IQCB1: variants seen among roughly 807,000 people sequenced by gnomAD.
The protein encoded by IQCB1 is IQ calmodulin-binding motif-containing protein 1.
IQCB1 carries 56 observed loss-of-function variants against 84.4 expected under a neutral mutation model. The observed-to-expected ratio is 0.66, with a 90% CI of 0.54 to 0.83. IQCB1 has a LOEUF of 0.83. Ranked by LOEUF, IQCB1 falls within the 40% of genes least tolerant of loss-of-function variation. The probability of loss-of-function intolerance (pLI) is 0.00; values close to 1 mark genes in which losing one functional copy is unlikely to be tolerated. For missense variants in IQCB1, 629 were observed against 682.1 expected, an observed-to-expected ratio of 0.92 and a Z score of 0.87; for synonymous variants, 210 against 234.8, an observed-to-expected ratio of 0.89 and a Z score of 0.96.
intron 5 of IQCB1, among the ~76,000 whole-genome samples, chr3:121,823,445 T>C (rs1950344368): frequency 6.6e-6 from 1 of 151,684 alleles, no homozygotes; most frequent in South Asian, 2.1e-4. Flanking sequence ...AGAGAACATC[T>C]TAAAAAAGCC....
In IQCB1 at chr3:121,772,572, C is replaced by T. The variant is rs1484442908; in HGVS notation, c.1552G>A (p.Val518Ile). The change falls in exon 14 of 15, where the codon GTT becomes ATT. Residue 518 changes from valine to isoleucine, a missense_variant. Val to Ile is a conservative substitution (Grantham distance 29). Transcript: ENST00000310864. Reference sequence around the variant, plus strand: ...GAGCACATACTCATTAGCTGTTCAACGTTGGTGCTGATCTGTGCTATCAGA... The same window carrying T: ...GAGCACATACTCATTAGCTGTTCAATGTTGGTGCTGATCTGTGCTATCAGA... The part of the protein sequence containing the change: ...EALIAQISTN[V>I]EQLMKAPSLK... 1.2e-5 allele frequency: 19 copies of T among 1,614,070 alleles called. No individual in the cohort carries two copies. The highest frequency in any genetic ancestry group is 2.2e-5 in the South Asian group (2 of 91,086).
intron 2 of IQCB1, among the ~76,000 whole-genome samples, chr3:121,830,515 A>T (rs1950602416): frequency 6.6e-6 from 1 of 152,216 alleles, no homozygotes; most frequent in Non-Finnish European, 1.5e-5. Flanking sequence ...TAAGCTAAGC[A>T]CTATGTTAAT....
In IQCB1 at chr3:121,770,144, C is replaced by T; in HGVS notation, c.*201G>A. ...AAAAGCCACACAAATCTGTGTGTGG[C>T]TAACGATGAGGATACAGAGAAAAGA... On this transcript the variant is annotated 3_prime_UTR_variant, in exon 15 of 15. Transcript: ENST00000310864. 5.3e-6 allele frequency: 3 copies of T among 562,106 alleles called. No homozygotes were observed. Among genetic ancestry groups the T allele is most frequent in the East Asian group, 3.0e-5 (1 of 33,734 alleles). The allele number at this position is 562,106 out of a possible 1,614,324, so 34.8% of individuals were successfully genotyped here.
chr3:121,786,869 A>G (rs1341273279), intron 12 of IQCB1, among the ~76,000 whole-genome samples: 2 of 152,202 alleles, frequency 1.3e-5, no homozygotes, highest in African/African-American at 4.8e-5. Flanking sequence ...GCAAGGTAGT[A>G]AGTCAACCTA....
At chr3:121,807,706 T>C (rs1949660142) in intron 6 of IQCB1, among the ~76,000 whole-genome samples, 1 of 151,976 alleles carries the variant, frequency 6.6e-6, no homozygotes, top group South Asian at 2.1e-4. Flanking sequence ...CTCTTTAAAT[T>C]GAAAATATCA....
chr3:121,787,189 T>TA (rs11385480), intron 12 of IQCB1, among the ~76,000 whole-genome samples: 90,508 of 148,068 alleles, frequency 0.61, 27,804 homozygotes, highest in African/African-American at 0.7. Context: ...TTTGGATGAT[T>TA]AAAAAAAAAA....
In IQCB1 at chr3:121,777,942, C is replaced by T. The variant is rs564349438; in HGVS notation, c.1410+3801G>A. Among the ~76,000 whole-genome samples the T allele has an allele frequency of 1.3e-3, 187 of 149,464 alleles. 1 individual carries two copies. The highest frequency in any genetic ancestry group is 2.2e-3 in the Non-Finnish European group (146 of 67,634). ...TTTTTTTTTGAGACAGGGTCTCACT[C>T]GGCCACACAGGCTGGAGTGCAGTAG... On this transcript the variant is annotated intron_variant, in intron 13 of 14. Coordinates refer to ENST00000310864, the MANE Select transcript of IQCB1 (RefSeq NM_001023570.4).
chr3:121,798,217 A>G (rs1949275136), intron 8 of IQCB1, among the ~76,000 whole-genome samples: 1 of 151,954 alleles, frequency 6.6e-6, no homozygotes, highest in Non-Finnish European at 1.5e-5. Flanking sequence ...ACCCTCAGTA[A>G]TGACTAATTC....
At chr3:121,785,055 CT>C (rs1948652249) in intron 12 of IQCB1, among the ~76,000 whole-genome samples, 2 of 152,126 alleles carry the variant, frequency 1.3e-5, no homozygotes, top group Admixed American at 1.3e-4. Context: ...CTATTCTCCC[CT>C]TTCCTTGATT....
intron 13 of IQCB1, among the ~76,000 whole-genome samples, chr3:121,776,784 T>G (rs1159296513): frequency 1.3e-5 from 2 of 152,232 alleles, no homozygotes; most frequent in African/African-American, 4.8e-5. Context: ...GTCATCTATC[T>G]TTTGGTGAAG....
intron 5 of IQCB1, among the ~76,000 whole-genome samples, chr3:121,816,522 C>G (rs1950064248): frequency 6.6e-6 from 1 of 152,060 alleles, no homozygotes; most frequent in Admixed American, 6.5e-5. Flanking sequence ...ATCTACCCAT[C>G]TGATGAAGGT....
intron 13 of IQCB1, 48 bp downstream of exon 13, chr3:121,781,695 T>C: frequency 6.6e-7 from 1 of 1,520,684 alleles, no homozygotes; most frequent in East Asian, 2.3e-5. Context: ...GTTATCAATA[T>C]CATGCATTGG....
rs757231109 is a variant in IQCB1, at chr3:121,821,748, C to T, written c.393+4303G>A. Among the ~76,000 whole-genome samples, 3 of 152,106 alleles carry T rather than the reference C, an allele frequency of 2.0e-5. No individual in the cohort carries two copies. The East Asian group carries it at 5.8e-4, about 29-fold the overall frequency. On this transcript the variant is annotated intron_variant, in intron 5 of 14. Transcript: ENST00000310864. ...ACTCGGGAAAAAATATAAAAAGCAACTGTTTGAAGGTTTTAGATAGCAAGC... is the reference window on the plus strand; with the variant it reads ...ACTCGGGAAAAAATATAAAAAGCAATTGTTTGAAGGTTTTAGATAGCAAGC...
chr3:121,825,311 C>T (rs534021090), intron 5 of IQCB1, among the ~76,000 whole-genome samples: 4 of 152,202 alleles, frequency 2.6e-5, no homozygotes, highest in South Asian at 4.1e-4. Flanking sequence ...CCGCCCGCCT[C>T]GGCCTCCCAA....
intron 2 of IQCB1, chr3:121,834,159 T>C (rs1180838585): frequency 6.6e-6 from 1 of 152,172 alleles, no homozygotes; most frequent in East Asian, 1.9e-4. Context: ...CACAGACAGG[T>C]TGAAGGAGAC....
At chr3:121,822,494 T>C (rs1881994) in intron 5 of IQCB1, among the ~76,000 whole-genome samples, 97,846 of 152,054 alleles carry the variant, frequency 0.64, 31,981 homozygotes, top group African/African-American at 0.71. Flanking sequence ...CAAACTTCCA[T>C]TGAATTCTTG....
chr3:121,778,273 T>C (rs570453872), intron 13 of IQCB1, among the ~76,000 whole-genome samples: 3 of 152,322 alleles, frequency 2.0e-5, no homozygotes, highest in Admixed American at 2.0e-4. Context: ...ATTCTAGATA[T>C]TAGCCCTTTG....
chr3:121,814,517 C>A (rs2108609652), intron 5 of IQCB1, among the ~76,000 whole-genome samples: 2 of 152,064 alleles, frequency 1.3e-5, no homozygotes, highest in South Asian at 4.2e-4. Flanking sequence ...AGACCGCTAG[C>A]CAGACTAATA....
At chr3:121,815,725 T>C (rs1211383190) in intron 5 of IQCB1, among the ~76,000 whole-genome samples, 2 of 151,620 alleles carry the variant, frequency 1.3e-5, no homozygotes, top group African/African-American at 2.4e-5. Context: ...TCTTCAAGGA[T>C]AACTACAAAA....
Sources: gnomAD v4.1 joint callset for allele counts (sites outside exome capture counted in the v4.1 genomes callset) on GRCh38, gnomAD v4.1.1 for gene constraint, MANE v1.5 for transcripts, NCBI Gene and HGNC (gene_info 2026-07-23, HGNC 2026-07-21) for gene names.